The following GPC5 variants were observed in gnomAD, a reference collection of about 807,000 sequenced individuals.
The protein encoded by GPC5 is glypican-5.
Under a neutral mutation model 53.9 loss-of-function variants are expected in GPC5, and 47 were observed. That is an observed-to-expected ratio of 0.87 (90% CI 0.69 to 1.11). The LOEUF is 1.11. Ranked by LOEUF, GPC5 falls within the 50% of genes most tolerant of loss-of-function variation. The probability of loss-of-function intolerance (pLI) is 0.00; values close to 1 mark genes in which losing one functional copy is unlikely to be tolerated. For synonymous variants in GPC5, 286 were observed against 263.3 expected (o/e 1.09, Z -0.84); for missense variants, 748 against 713.1 (o/e 1.05, Z -0.56).
chr13:91,996,292 G>A (rs895330368), intron 6 of GPC5: 1 of 152,200 alleles, frequency 6.6e-6, no homozygotes, highest in African/African-American at 2.4e-5. Flanking sequence ...ACTCCAACAG[G>A]GTTCAAGGTC....
intron 3 of GPC5, among the ~76,000 whole-genome samples, chr13:91,725,384 A>G (rs1300789961): frequency 6.6e-6 from 1 of 152,166 alleles, no homozygotes; most frequent in East Asian, 1.9e-4. Flanking sequence ...TTCAATGGCA[A>G]GAAGGTACTA....
intron 2 of GPC5, among the ~76,000 whole-genome samples, chr13:91,502,342 T>A (rs1469960493): frequency 6.6e-6 from 1 of 152,108 alleles, no homozygotes; most frequent in Non-Finnish European, 1.5e-5. Flanking sequence ...CTGAATGGTA[T>A]TGCCTAGGTT....
chr13:92,157,204 G>A (rs1300391127), intron 7 of GPC5, among the ~76,000 whole-genome samples: 2 of 152,078 alleles, frequency 1.3e-5, no homozygotes, highest in Non-Finnish European at 2.9e-5. Context: ...AAATATCTTT[G>A]TGTATATGAA....
intron 7 of GPC5, among the ~76,000 whole-genome samples, chr13:92,827,264 C>T (rs571997863): frequency 1.2e-4 from 18 of 152,076 alleles, no homozygotes; most frequent in Admixed American, 3.9e-4. Context: ...AGACAGAAAG[C>T]TTTCAAGACA....
At chr13:91,711,840 G>A (rs1218050350) in intron 3 of GPC5, among the ~76,000 whole-genome samples, 2 of 152,198 alleles carry the variant, frequency 1.3e-5, no homozygotes, top group Admixed American at 1.3e-4. Flanking sequence ...TTTGGGGGAT[G>A]TTGAAGGGAA....
intron 7 of GPC5, among the ~76,000 whole-genome samples, chr13:92,385,809 ATATACACGTG>A (rs1167160747): frequency 4.8e-5 from 7 of 145,416 alleles, no homozygotes; most frequent in African/African-American, 1.8e-4. Flanking sequence ...ATACGTATAT[ATATACACGTG>A]TATATATATA....
At chr13:92,370,461 C>T (rs1279053654) in intron 7 of GPC5, among the ~76,000 whole-genome samples, 4 of 152,046 alleles carry the variant, frequency 2.6e-5, no homozygotes, top group Non-Finnish European at 5.9e-5. Context: ...AAAGTCTCCA[C>T]CTACTTAATT....
intron 7 of GPC5, among the ~76,000 whole-genome samples, chr13:92,745,250 T>G (rs1889212310): frequency 6.6e-6 from 1 of 152,092 alleles, no homozygotes; most frequent in Admixed American, 6.6e-5. Flanking sequence ...TTCTAAATGA[T>G]GATTCATGCT....
intron 6 of GPC5, among the ~76,000 whole-genome samples, chr13:92,012,738 G>A (rs1250353126): frequency 6.6e-6 from 1 of 152,186 alleles, no homozygotes; most frequent in African/African-American, 2.4e-5. Context: ...CTACATAAAT[G>A]CTATCTAAGT....
At chr13:91,407,901 C>A (rs1216066562) in intron 1 of GPC5, among the ~76,000 whole-genome samples, 1 of 152,100 alleles carries the variant, frequency 6.6e-6, no homozygotes, top group African/African-American at 2.4e-5. Flanking sequence ...TTTATCTAAT[C>A]TTTTTAAAAA....
At chr13:91,446,942 A>G (rs1221215840) in intron 1 of GPC5, among the ~76,000 whole-genome samples, 2 of 152,230 alleles carry the variant, frequency 1.3e-5, no homozygotes, top group Non-Finnish European at 2.9e-5. Context: ...GAGACCATGG[A>G]AAATGGTTCT....
intron 6 of GPC5, among the ~76,000 whole-genome samples, chr13:92,101,072 A>G (rs1010591500): frequency 1.3e-5 from 2 of 152,214 alleles, no homozygotes; most frequent in Non-Finnish European, 2.9e-5. Flanking sequence ...TAATAGTCTT[A>G]TCCTTTACAG....
At chr13:92,849,247 G>C (rs780926443) in intron 7 of GPC5, among the ~76,000 whole-genome samples, 4 of 152,006 alleles carry the variant, frequency 2.6e-5, no homozygotes, top group Non-Finnish European at 5.9e-5. Flanking sequence ...AGAAATGATA[G>C]CAATGACTGT....
chr13:92,316,208 A>C (rs1482392112), intron 7 of GPC5, among the ~76,000 whole-genome samples: 1 of 152,186 alleles, frequency 6.6e-6, no homozygotes, highest in Non-Finnish European at 1.5e-5. Flanking sequence ...GTAATTATAT[A>C]AACTTAAAAA....
intron 7 of GPC5, among the ~76,000 whole-genome samples, chr13:92,450,234 A>G (rs113644950): frequency 0.031 from 4,648 of 152,278 alleles, 221 homozygotes; most frequent in African/African-American, 0.1. Flanking sequence ...CCTGAAGTAC[A>G]GGTCGAGTAT....
intron 1 of GPC5, among the ~76,000 whole-genome samples, chr13:91,441,241 C>T (rs1253687776): frequency 1.3e-5 from 2 of 152,110 alleles, no homozygotes; most frequent in South Asian, 2.1e-4. Flanking sequence ...CAAGTCAGAC[C>T]CTTTTTGTTT....
chr13:92,592,004 T>C (rs1295287828), intron 7 of GPC5, among the ~76,000 whole-genome samples: 1 of 152,180 alleles, frequency 6.6e-6, no homozygotes, highest in Non-Finnish European at 1.5e-5. Flanking sequence ...GGCAGTATGC[T>C]AGGCCTGCTG....
At position 91,977,639 on chromosome 13, in the gene GPC5, T is replaced by C. The variant is rs560661794; in HGVS notation, c.1401+69582T>C. 2.0e-5 allele frequency among the ~76,000 whole-genome samples: 3 copies of C among 152,300 alleles called. No homozygotes were observed. The South Asian group carries it at 6.2e-4, about 32-fold the overall frequency. On this transcript the variant is annotated intron_variant, in intron 6 of 7. Transcript: ENST00000377067. ...AAGGGCATTCTAAACCTCCCTTTTC[T>C]TCCTAAAATCAGATTAAAAACTCCC...
rs146357369 is a variant in GPC5, at chr13:91,628,053, T to G, written c.326-65134T>G. Among the ~76,000 whole-genome samples the G allele has an allele frequency of 8.2e-3, 1,249 of 152,248 alleles. 16 individuals are homozygous for G. Among genetic ancestry groups the G allele is most frequent in the African/African-American group, 0.028 (1,176 of 41,560 alleles). ...AAATAAAATCAATTTTGTGTGTTTT[T>G]CTATGATCTGCAAGAGACCATATTA... On this transcript the variant is annotated intron_variant, in intron 2 of 7. Transcript: ENST00000377067.
Sources: gnomAD v4.1 joint callset for allele counts (sites outside exome capture counted in the v4.1 genomes callset) on GRCh38, gnomAD v4.1.1 for gene constraint, MANE v1.5 for transcripts, NCBI Gene and HGNC (gene_info 2026-07-23, HGNC 2026-07-21) for gene names.